Variants in CCDC39 observed in about 807,000 individuals in gnomAD.
CCDC39 encodes coiled-coil domain-containing protein 39.
CCDC39 carries 113 observed loss-of-function variants against 121.0 expected under a neutral mutation model. The observed-to-expected ratio is 0.93, with a 90% CI of 0.80 to 1.09. The LOEUF (loss-of-function observed/expected upper bound fraction) is 1.09. Among genes scored for constraint, CCDC39 ranks in the 50% least tolerant of loss-of-function variants. The probability of loss-of-function intolerance (pLI) is 0.00; values close to 1 mark genes in which losing one functional copy is unlikely to be tolerated. For synonymous variants in CCDC39, 349 were observed against 352.2 expected (o/e 0.99, Z 0.10); for missense variants, 1,063 against 1,074.7 (o/e 0.99, Z 0.15).
chr3:180,634,031 C>A (rs923391233), intron 13 of CCDC39, among the ~76,000 whole-genome samples: 1 of 152,124 alleles, frequency 6.6e-6, no homozygotes, highest in Non-Finnish European at 1.5e-5. Context: ...AGGACTATGC[C>A]TGAGCTTACA....
chr3:180,641,901 G>C (rs1717961566), intron 13 of CCDC39, 92 bp downstream of exon 13: 3 of 831,656 alleles, frequency 3.6e-6, no homozygotes, highest in Admixed American at 5.6e-5. Flanking sequence ...GAGTAAAAAC[G>C]ATGCACATCC....
intron 6 of CCDC39, among the ~76,000 whole-genome samples, chr3:180,657,799 T>C (rs1247606123): frequency 1.3e-5 from 2 of 152,180 alleles, no homozygotes; most frequent in Non-Finnish European, 2.9e-5. Flanking sequence ...GGAGTGTATA[T>C]TCAGGGCAAC....
chr3:180,654,238 AAAAAG>A (rs1368268101), intron 7 of CCDC39, among the ~76,000 whole-genome samples: 4,648 of 149,050 alleles, frequency 0.031, 281 homozygotes, highest in African/African-American at 0.11. Context: ...AAAAAAAAAA[AAAAAG>A]AGAGAAAGAA....
In CCDC39 at chr3:180,651,477, G is replaced by T; in HGVS notation, c.1091C>A (p.Thr364Asn). 6.5e-7 allele frequency: 1 copy of T among 1,545,668 alleles called. No individual in the cohort carries two copies. Among genetic ancestry groups the T allele is most frequent in the South Asian group, 1.2e-5 (1 of 82,430 alleles). ...EIIQTKLKEITEKTMSVEEKA... is the reference protein window; with the variant it reads ...EIIQTKLKEINEKTMSVEEKA... Reference sequence around the variant, plus strand: ...CTCTTCTACAGACATGGTTTTCTCAGTTATCTCCTTTAATTTTGTTTGTAT... The same window carrying T: ...CTCTTCTACAGACATGGTTTTCTCATTTATCTCCTTTAATTTTGTTTGTAT... Residue 364 changes from threonine (T) to asparagine (N), a missense_variant, in exon 9 of 20, where the codon ACT (threonine) becomes AAT (asparagine). Thr to Asn is a moderately conservative substitution (Grantham distance 65). Coordinates refer to ENST00000476379, the MANE Select transcript of CCDC39 (RefSeq NM_181426.2).
At chr3:180,636,955 A>G (rs1717844549) in intron 13 of CCDC39, among the ~76,000 whole-genome samples, 1 of 152,214 alleles carries the variant, frequency 6.6e-6, no homozygotes, top group Non-Finnish European at 1.5e-5. Context: ...ATTTAAATGT[A>G]ATACTCAAAA....
chr3:180,653,796 A>T (rs1294979545), intron 7 of CCDC39, among the ~76,000 whole-genome samples: 1 of 152,200 alleles, frequency 6.6e-6, no homozygotes, highest in African/African-American at 2.4e-5. Context: ...ACGGATGTGT[A>T]GGTCCCTTAT....
intron 1 of CCDC39, among the ~76,000 whole-genome samples, chr3:180,671,015 C>A (rs181005995): frequency 6.6e-6 from 1 of 152,102 alleles, no homozygotes; most frequent in Non-Finnish European, 1.5e-5. Flanking sequence ...AGTTCAAGAC[C>A]AGCCTGTCCC....
intron 6 of CCDC39, among the ~76,000 whole-genome samples, chr3:180,655,721 A>G (rs912162021): frequency 6.6e-6 from 1 of 152,164 alleles, no homozygotes; most frequent in African/African-American, 2.4e-5. Flanking sequence ...TCCAGATGAA[A>G]GAGATAAAGC....
At chr3:180,653,493 C>T (rs1711514927) in intron 7 of CCDC39, among the ~76,000 whole-genome samples, 1 of 152,100 alleles carries the variant, frequency 6.6e-6, no homozygotes, top group Admixed American at 6.6e-5. Flanking sequence ...TAATTAAGCT[C>T]AATATTTTTA....
At chr3:180,636,356 T>A (rs1012695129) in intron 13 of CCDC39, among the ~76,000 whole-genome samples, 1 of 151,874 alleles carries the variant, frequency 6.6e-6, no homozygotes, top group Admixed American at 6.6e-5. Context: ...CATTACACAA[T>A]TAACACAAAA....
At chr3:180,665,869 C>A (rs368505517) in intron 1 of CCDC39, among the ~76,000 whole-genome samples, 5 of 151,718 alleles carry the variant, frequency 3.3e-5, no homozygotes, top group East Asian at 3.8e-4. Flanking sequence ...TAAAAATAAT[C>A]TATTATAAAT....
intron 13 of CCDC39, among the ~76,000 whole-genome samples, chr3:180,636,325 G>A (rs895130672): frequency 1.3e-5 from 2 of 152,092 alleles, no homozygotes; most frequent in African/African-American, 4.8e-5. Flanking sequence ...CAAGCCAATA[G>A]CCAAATCAGG....
rs1482355374 is a variant in CCDC39 at position 180,614,241 on chromosome 3, T to C, written c.*680A>G. ...TCAAAATTGTTTATACTTGGTTGGC[T>C]GTATCTGAAAGCAAATCTTTAATGC... On this transcript the variant is annotated 3_prime_UTR_variant, in exon 20 of 20. Coordinates refer to ENST00000476379, the MANE Select transcript of CCDC39 (RefSeq NM_181426.2). 6.3e-6 allele frequency: 1 copy of C among 159,238 alleles called. No individual in the cohort carries two copies. The highest frequency in any genetic ancestry group is 1.4e-5 in the Non-Finnish European group (1 of 72,164). The allele number at this position is 159,238 out of a possible 1,614,324, so 9.9% of individuals were successfully genotyped here. A position where few individuals can be genotyped will look rare whatever the true frequency, so the allele number is the denominator to read the frequency against.
chr3:180,639,452 A>T (rs1156680104), intron 13 of CCDC39, among the ~76,000 whole-genome samples: 1 of 152,186 alleles, frequency 6.6e-6, no homozygotes, highest in Non-Finnish European at 1.5e-5. Flanking sequence ...AGCCACAAAA[A>T]GGAACAAAAT....
Position 180,663,957 on chromosome 3 carries a change from G to A in CCDC39, c.120C>T (p.Ser40=). The A allele has an allele frequency of 6.2e-7, 1 of 1,611,788 alleles. No individual in the cohort carries two copies. The highest frequency in any genetic ancestry group is 8.5e-7 in the Non-Finnish European group (1 of 1,179,050). ...CATACTCACGTAACTCATCTTGCAAGCTTGCTCTTTCATCCTTCAGCTTTG... is the reference window on the plus strand; with the variant it reads ...CATACTCACGTAACTCATCTTGCAAACTTGCTCTTTCATCCTTCAGCTTTG... The part of the protein sequence containing the change: ...QLSKLKDERA[S]LQDELREYEE... Residue 40 remains serine (S), a synonymous_variant, in exon 2 of 20, where the codon AGC becomes AGT. Transcript: ENST00000476379.
chr3:180,672,726 A>C (rs938291537), intron 1 of CCDC39, among the ~76,000 whole-genome samples: 2 of 152,194 alleles, frequency 1.3e-5, no homozygotes, highest in African/African-American at 4.8e-5. Context: ...ATCAACAAAA[A>C]ATTTTGACTT....
At chr3:180,655,182 G>A (rs1308699048) in intron 6 of CCDC39, among the ~76,000 whole-genome samples, 1 of 151,792 alleles carries the variant, frequency 6.6e-6, no homozygotes, top group Non-Finnish European at 1.5e-5. Flanking sequence ...CATATATCTG[G>A]AATTTTGCTA....
chr3:180,643,414 T>C (rs1356329485), intron 12 of CCDC39, among the ~76,000 whole-genome samples: 2 of 152,234 alleles, frequency 1.3e-5, no homozygotes, highest in Admixed American at 1.3e-4. Flanking sequence ...AACATTTTTA[T>C]TTAAACATAA....
intron 1 of CCDC39, among the ~76,000 whole-genome samples, chr3:180,677,226 T>A (rs1244499134): frequency 1.2e-4 from 10 of 84,136 alleles, no homozygotes; most frequent in Non-Finnish European, 2.3e-4. Flanking sequence ...AAAATCACAG[T>A]ACTATGGGCC....
Sources: allele counts gnomAD v4.1 joint callset (sites outside exome capture counted in the v4.1 genomes callset), GRCh38; gene constraint gnomAD v4.1.1; transcripts MANE v1.5; gene names NCBI Gene and HGNC (gene_info 2026-07-23, HGNC 2026-07-21).